GABRA3: variants seen among roughly 807,000 people sequenced by gnomAD.
The protein encoded by GABRA3 is gamma-aminobutyric acid type A receptor subunit alpha3, also known as gamma-aminobutyric acid receptor subunit alpha-3.
In GABRA3, 10 loss-of-function variants were observed where a neutral mutation model predicts 30.1. The observed-to-expected ratio is 0.33, with a 90% CI of 0.20 to 0.56. The LOEUF is 0.56. GABRA3 is among the 20% of genes least tolerant of loss of function. The pLI, the probability that GABRA3 is intolerant of heterozygous loss-of-function variation, is 0.89. For synonymous variants in GABRA3, 151 were observed against 146.8 expected (o/e 1.03, Z -0.21); for missense variants, 233 against 392.0 (o/e 0.59, Z 3.42).
intron 7 of GABRA3, among the ~76,000 whole-genome samples, chrX:152,202,671 T>C (rs996845830): frequency 8.9e-6 from 1 of 112,567 alleles, no homozygotes; most frequent in South Asian, 3.6e-4. Context: ...TACTATATGA[T>C]AAAAGAAGCA....
intron 1 of GABRA3, among the ~76,000 whole-genome samples, chrX:152,376,842 T>C (rs1781280678): frequency 1.8e-5 from 2 of 111,617 alleles, no homozygotes; most frequent in South Asian, 7.5e-4. Flanking sequence ...TCTATATGGA[T>C]ACCTCTAATT....
chrX:152,344,613 T>C (rs906512739), intron 3 of GABRA3, among the ~76,000 whole-genome samples: 19 of 111,921 alleles, frequency 1.7e-4, no homozygotes, highest in African/African-American at 6.2e-4. Context: ...AAAATAGTAA[T>C]TTTAGAGTGC....
chrX:152,237,835 T>G (rs1938259145), intron 5 of GABRA3, among the ~76,000 whole-genome samples: 1 of 109,108 alleles, frequency 9.2e-6, no homozygotes, highest in Non-Finnish European at 1.9e-5. Context: ...TTTTTGTACA[T>G]TGATTTTGTA....
At chrX:152,439,347 G>T (rs895120740) in intron 1 of GABRA3, among the ~76,000 whole-genome samples, 5 of 110,494 alleles carry the variant, frequency 4.5e-5, no homozygotes, top group African/African-American at 1.6e-4. Flanking sequence ...TGGCCAGGCT[G>T]GTCTCGAACT....
At chrX:152,385,946 A>T (rs1929293620) in intron 1 of GABRA3, among the ~76,000 whole-genome samples, 1 of 109,814 alleles carries the variant, frequency 9.1e-6, no homozygotes, top group African/African-American at 3.3e-5. Flanking sequence ...TGTTCCATTG[A>T]TCTATATCTC....
chrX:152,217,758 G>A (rs939845549), intron 6 of GABRA3, among the ~76,000 whole-genome samples: 2 of 109,956 alleles, frequency 1.8e-5, no homozygotes, highest in African/African-American at 3.3e-5. Flanking sequence ...ATTTGTTGGT[G>A]TACAGTTGCT....
intron 1 of GABRA3, among the ~76,000 whole-genome samples, chrX:152,431,124 C>T (rs1930642104): frequency 9.0e-6 from 1 of 111,532 alleles, no homozygotes; most frequent in South Asian, 3.7e-4. Flanking sequence ...AAATTGAGCA[C>T]AGATGTTCAA....
At chrX:152,403,763 C>G (rs1213510413) in intron 1 of GABRA3, among the ~76,000 whole-genome samples, 1 of 110,408 alleles carries the variant, frequency 9.1e-6, no homozygotes, top group Non-Finnish European at 1.9e-5. Flanking sequence ...AAAAGTCAAG[C>G]AGAAAGCAAT....
chrX:152,277,695 G>A (rs1194786835), intron 4 of GABRA3, among the ~76,000 whole-genome samples: 1 of 112,014 alleles, frequency 8.9e-6, no homozygotes, highest in East Asian at 2.8e-4. Context: ...ATTGACAAAT[G>A]AATTCTGTTG....
At chrX:152,336,428 A>C (rs1569400580) in intron 3 of GABRA3, among the ~76,000 whole-genome samples, 5 of 112,292 alleles carry the variant, frequency 4.5e-5, no homozygotes, top group South Asian at 3.7e-4. Flanking sequence ...TGGCAGCCAG[A>C]CAAACATCTT....
At chrX:152,433,628 A>G (rs1196696165) in intron 1 of GABRA3, among the ~76,000 whole-genome samples, 1 of 108,731 alleles carries the variant, frequency 9.2e-6, no homozygotes, top group Non-Finnish European at 1.9e-5. Flanking sequence ...ATGAAGAGCA[A>G]ATTAAACTCA....
At chrX:152,334,252 T>C (rs937861907) in intron 3 of GABRA3, among the ~76,000 whole-genome samples, 6 of 111,755 alleles carry the variant, frequency 5.4e-5, no homozygotes, top group African/African-American at 1.9e-4. Flanking sequence ...CCTACACCTA[T>C]CATCATATTT....
intron 1 of GABRA3, among the ~76,000 whole-genome samples, chrX:152,429,623 T>C (rs1930605209): frequency 8.9e-6 from 1 of 111,917 alleles, no homozygotes. Context: ...AAACATTGTC[T>C]TCAACCTAAA....
chrX:152,324,948 A>T (rs1940028506), intron 3 of GABRA3, among the ~76,000 whole-genome samples: 1 of 111,991 alleles, frequency 8.9e-6, no homozygotes, highest in South Asian at 3.7e-4. Flanking sequence ...GCCATCACCA[A>T]ATAGGCCAAT....
At chrX:152,336,361 G>A (rs747648243) in intron 3 of GABRA3, among the ~76,000 whole-genome samples, 18 of 111,693 alleles carry the variant, frequency 1.6e-4, no homozygotes, top group Admixed American at 2.9e-4. Flanking sequence ...ATGTAGCTTG[G>A]ATCGTGTACA....
At chrX:152,241,690 T>C (rs1448285929) in intron 5 of GABRA3, among the ~76,000 whole-genome samples, 1 of 109,104 alleles carries the variant, frequency 9.2e-6, no homozygotes, top group Non-Finnish European at 1.9e-5. Flanking sequence ...GAGCCAGGTG[T>C]GGGATATAGT....
At chrX:152,278,643 T>C (rs1036840243) in intron 4 of GABRA3, among the ~76,000 whole-genome samples, 1 of 111,247 alleles carries the variant, frequency 9.0e-6, no homozygotes, top group African/African-American at 3.3e-5. Context: ...GAGGGCTGGG[T>C]CAAATGGTAT....
rs146882257 is a variant in GABRA3 at position 152,257,868 on chromosome X, T to C, written c.331-1870A>G. 2.6e-3 allele frequency among the ~76,000 whole-genome samples: 290 copies of C among 112,301 alleles called. 2 individuals are homozygous for C. Among genetic ancestry groups the C allele is most frequent in the African/African-American group, 9.1e-3 (280 of 30,905 alleles). ...CTCAAAATTCTAATCATATGTGGGA[T>C]TGACATCCGAATATATACTGTCTGC... On this transcript the variant is annotated intron_variant, in intron 4 of 9. Coordinates refer to ENST00000370314, the MANE Select transcript of GABRA3 (RefSeq NM_000808.4).
intron 2 of GABRA3, among the ~76,000 whole-genome samples, chrX:152,346,026 G>C (rs1345258056): frequency 2.7e-5 from 3 of 111,337 alleles, no homozygotes; most frequent in Non-Finnish European, 5.7e-5. Context: ...GCATACAGTT[G>C]GTTCATCAAA....
Sources: gnomAD v4.1 joint callset for allele counts (sites outside exome capture counted in the v4.1 genomes callset) on GRCh38, gnomAD v4.1.1 for gene constraint, MANE v1.5 for transcripts, NCBI Gene and HGNC (gene_info 2026-07-23, HGNC 2026-07-21) for gene names.